WHRN: variants seen among roughly 807,000 people sequenced by gnomAD.
The protein encoded by WHRN is whirlin.
WHRN carries 41 observed loss-of-function variants against 68.3 expected under a neutral mutation model. The observed-to-expected ratio is 0.60, with a 90% CI of 0.47 to 0.78. The LOEUF (loss-of-function observed/expected upper bound fraction) is 0.78. Among genes scored for constraint, WHRN ranks in the 30% least tolerant of loss-of-function variants. The pLI is 0.00. For missense variants in WHRN, 1,243 were observed against 1,244.7 expected, an observed-to-expected ratio of 1.00 and a Z score of 0.02; for synonymous variants, 560 against 561.3, an observed-to-expected ratio of 1.00 and a Z score of 0.03.
chr9:114,435,993 T>A (rs1924683), intron 3 of WHRN, among the ~76,000 whole-genome samples: 1 of 152,216 alleles, frequency 6.6e-6, no homozygotes. Context: ...AGCTCACTTA[T>A]GTATTTAACA....
intron 3 of WHRN, among the ~76,000 whole-genome samples, chr9:114,432,690 A>T (rs1564147723): frequency 6.6e-6 from 1 of 152,210 alleles, no homozygotes; most frequent in South Asian, 2.1e-4. Context: ...CCAGTGTATC[A>T]CCAACACTTA....
chr9:114,409,659 G>A (rs891666337), intron 7 of WHRN, among the ~76,000 whole-genome samples: 18 of 151,698 alleles, frequency 1.2e-4, no homozygotes, highest in Non-Finnish European at 2.6e-4. Flanking sequence ...GGAACACCAC[G>A]GATGTGTCAG....
rs757702620 is a variant in WHRN, at chr9:114,406,725, CGAG to C, written c.1863_1865del (p.Phe621_Ser622delinsLeu). 23 of 1,613,956 alleles carry C rather than the reference CGAG, an allele frequency of 1.4e-5. No individual in the cohort carries two copies. The Middle Eastern group carries it at 1.3e-3, about 92-fold the overall frequency. On this transcript the variant is annotated inframe_deletion, in exon 9 of 12. Transcript: ENST00000362057. ...CTGGCGGGCTGCGGTTCTGTGGAGC[CGAG>C]AAGACAGTGCCCGAGCAGGAAGGCA...
chr9:114,467,351 C>T (rs775266294), intron 2 of WHRN, among the ~76,000 whole-genome samples: 1 of 152,118 alleles, frequency 6.6e-6, no homozygotes, highest in Non-Finnish European at 1.5e-5. Context: ...GTGGTACAGA[C>T]AGTCAACAGG....
At chr9:114,482,956 G>A (rs1842206723) in intron 1 of WHRN, among the ~76,000 whole-genome samples, 2 of 152,252 alleles carry the variant, frequency 1.3e-5, no homozygotes, top group East Asian at 3.9e-4. Flanking sequence ...GGGAAACATA[G>A]GGTTCAGGAG....
intron 2 of WHRN, among the ~76,000 whole-genome samples, chr9:114,466,917 G>C (rs892368125): frequency 6.6e-6 from 1 of 151,242 alleles, no homozygotes; most frequent in Non-Finnish European, 1.5e-5. Flanking sequence ...CTCCCCAGGG[G>C]TCTCCTATCA....
intron 3 of WHRN, among the ~76,000 whole-genome samples, chr9:114,463,756 C>G (rs1019517701): frequency 6.6e-6 from 1 of 152,176 alleles, no homozygotes; most frequent in African/African-American, 2.4e-5. Context: ...GGAGTCCAAA[C>G]AAAGCATCAC....
intron 3 of WHRN, among the ~76,000 whole-genome samples, chr9:114,460,629 G>A (rs899957590): frequency 1.3e-5 from 2 of 152,184 alleles, no homozygotes; most frequent in African/African-American, 2.4e-5. Flanking sequence ...AAGGTGCCAA[G>A]TTCCATGGGG....
chr9:114,460,208 G>A (rs1271217614), intron 3 of WHRN, among the ~76,000 whole-genome samples: 1 of 152,114 alleles, frequency 6.6e-6, no homozygotes, highest in Non-Finnish European at 1.5e-5. Flanking sequence ...TCAAGTTAGG[G>A]GTGCTAGGAA....
chr9:114,446,601 A>T (rs916225242), intron 3 of WHRN, among the ~76,000 whole-genome samples: 21 of 152,186 alleles, frequency 1.4e-4, no homozygotes, highest in African/African-American at 4.8e-4. Context: ...TGTGTGTATT[A>T]TGTATTGAAC....
chr9:114,402,886 A>G lies in WHRN; in HGVS notation c.2592T>C (p.Ile864=), dbSNP rs1446219637. The G allele has an allele frequency of 1.9e-6, 3 of 1,613,832 alleles. No individual in the cohort carries two copies. The East Asian group carries it at 6.7e-5, about 36-fold the overall frequency. Residue 864 remains isoleucine (I), a synonymous_variant, in exon 12 of 12, where the codon ATT becomes ATC. Coordinates refer to ENST00000362057, the MANE Select transcript of WHRN (RefSeq NM_015404.4). ...GAAGCGTCAGCCCATTCACTTCCAGAATCACGTGGCCCACCTTGAGCTGCC... is the reference window on the plus strand; with the variant it reads ...GAAGCGTCAGCCCATTCACTTCCAGGATCACGTGGCCCACCTTGAGCTGCC... ...NCGQLKVGHV[I]LEVNGLTLRG...
chr9:114,481,398 C>T (rs1564209066), intron 1 of WHRN, among the ~76,000 whole-genome samples: 1 of 152,204 alleles, frequency 6.6e-6, no homozygotes, highest in Non-Finnish European at 1.5e-5. Flanking sequence ...TAGCATTCCC[C>T]AGGGCTCCCC....
intron 3 of WHRN, 23 bp downstream of exon 3, chr9:114,466,244 C>A (rs370406140): frequency 2.1e-5 from 34 of 1,613,430 alleles, no homozygotes; most frequent in Non-Finnish European, 2.5e-5. Context: ...ACAGAGTTTT[C>A]CCTCCCTCAG....
At chr9:114,499,871 G>A (rs2133417375) in intron 1 of WHRN, among the ~76,000 whole-genome samples, 1 of 152,350 alleles carries the variant, frequency 6.6e-6, no homozygotes. Context: ...GGGTTTGTCA[G>A]CAGAGGAGAA....
chr9:114,459,812 G>A (rs993839182), intron 3 of WHRN, among the ~76,000 whole-genome samples: 1 of 152,166 alleles, frequency 6.6e-6, no homozygotes, highest in African/African-American at 2.4e-5. Context: ...ATCACAAAAC[G>A]AAATACATTT....
intron 1 of WHRN, among the ~76,000 whole-genome samples, chr9:114,495,060 G>A (rs1467757422): frequency 1.3e-5 from 2 of 152,202 alleles, no homozygotes; most frequent in Non-Finnish European, 2.9e-5. Flanking sequence ...GTCAACAGGT[G>A]GAGAGAGTGA....
chr9:114,424,275 G>A lies in WHRN; in HGVS notation c.1416+59C>T, dbSNP rs1199801741. 4.7e-5 allele frequency: 75 copies of A among 1,588,678 alleles called. No homozygotes were observed. In the Admixed American group the frequency reaches 1.2e-3, roughly 25 times the overall value. On this transcript the variant is annotated intron_variant, in intron 6 of 11. Coordinates refer to ENST00000362057, the MANE Select transcript of WHRN (RefSeq NM_015404.4). ...GGTTCTCAGCAAAGGAGCGGGGGCA[G>A]GGCAGGATGCAGAGCCCTGGAAATG...
chr9:114,485,842 A>C (rs550268298), intron 1 of WHRN, among the ~76,000 whole-genome samples: 1 of 151,902 alleles, frequency 6.6e-6, no homozygotes, highest in African/African-American at 2.4e-5. Context: ...CCACAAAAAA[A>C]ATTTTTTTTT....
intron 7 of WHRN, among the ~76,000 whole-genome samples, chr9:114,416,505 C>T (rs951042080): frequency 6.6e-6 from 1 of 152,120 alleles, no homozygotes; most frequent in South Asian, 2.1e-4. Context: ...CTCATGTGAT[C>T]TGGTTGCTTA....
Sources: gnomAD v4.1 joint callset for allele counts (sites outside exome capture counted in the v4.1 genomes callset) on GRCh38, gnomAD v4.1.1 for gene constraint, MANE v1.5 for transcripts, NCBI Gene and HGNC (gene_info 2026-07-23, HGNC 2026-07-21) for gene names.